Variants in STXBP5L observed in about 807,000 individuals in gnomAD.
STXBP5L encodes syntaxin binding protein 5L, also known as syntaxin-binding protein 5-like.
In STXBP5L, 65 loss-of-function variants were observed where a neutral mutation model predicts 144.5. The ratio of observed to expected loss-of-function variants is 0.45; its 90% CI spans 0.37 to 0.55. STXBP5L has a LOEUF of 0.55. Among genes scored for constraint, STXBP5L ranks in the 20% least tolerant of loss-of-function variants. STXBP5L has a pLI of 0.00. For synonymous variants in STXBP5L, 505 were observed against 469.6 expected (o/e 1.08, Z -0.97); for missense variants, 1,298 against 1,405.5 (o/e 0.92, Z 1.22).
intron 3 of STXBP5L, among the ~76,000 whole-genome samples, chr3:121,038,743 C>G (rs1258035942): frequency 6.6e-6 from 1 of 151,654 alleles, no homozygotes; most frequent in Admixed American, 6.6e-5. Flanking sequence ...GTGGTTCTAT[C>G]AATTTTGTAT....
Position 121,188,862 on chromosome 3 carries a change from G to A in STXBP5L, c.878-17061G>A, listed in dbSNP as rs61355261. Among the ~76,000 whole-genome samples, 380 of 152,204 alleles carry A rather than the reference G, an allele frequency of 2.5e-3. 2 individuals carry two copies. Among genetic ancestry groups the A allele is most frequent in the African/African-American group, 8.6e-3 (357 of 41,524 alleles). ...CCCACAGTCAATATCATACTGAATG[G>A]GCAAAAACTGGAAGCATTCCCTTTG... On this transcript the variant is annotated intron_variant, in intron 9 of 26. Transcript: ENST00000471454.
rs1339143629 is a variant in STXBP5L, at chr3:121,294,373, G to A, written c.2110+14417G>A. Among the ~76,000 whole-genome samples the A allele has an allele frequency of 3.9e-5, 6 of 152,208 alleles. No individual in the cohort carries two copies. In the South Asian group the frequency reaches 6.2e-4, roughly 16 times the overall value. On this transcript the variant is annotated intron_variant, in intron 19 of 26. Coordinates refer to ENST00000471454, the MANE Select transcript of STXBP5L (RefSeq NM_001308330.2). ...TATTGTCATGATATTTTTTACAAAG[G>A]TGAAGAAGCTTGAGATAGGAGGGGG...
At position 120,956,633 on chromosome 3, in the gene STXBP5L, C is replaced by A. The variant is rs138641421; in HGVS notation, c.287+1596C>A. Among the ~76,000 whole-genome samples the A allele has an allele frequency of 5.9e-3, 898 of 151,872 alleles. 12 individuals are homozygous for A. Among genetic ancestry groups the A allele is most frequent in the Non-Finnish European group, 8.9e-3 (606 of 67,822 alleles). On this transcript the variant is annotated intron_variant, in intron 3 of 26. Transcript: ENST00000471454. The stretch of plus-strand genomic sequence containing the variant: ...CTATTATGAATAATATTGCTATGAA[C>A]ATGGGTGTACAAATATCTCTTTGAA...
intron 3 of STXBP5L, among the ~76,000 whole-genome samples, chr3:121,008,222 C>G (rs1410823391): frequency 6.6e-6 from 1 of 151,922 alleles, no homozygotes; most frequent in Admixed American, 6.6e-5. Flanking sequence ...CTTTTAGTAG[C>G]AACAACTCTA....
intron 20 of STXBP5L, chr3:121,324,365 G>C (rs575046858): frequency 1.8e-6 from 1 of 541,904 alleles, no homozygotes; most frequent in Admixed American, 3.5e-5. Flanking sequence ...CTTTATTTTA[G>C]ATAAGGATAC....
intron 20 of STXBP5L, among the ~76,000 whole-genome samples, chr3:121,359,159 C>T (rs374799172): frequency 2.6e-5 from 4 of 152,130 alleles, no homozygotes; most frequent in East Asian, 1.9e-4. Flanking sequence ...TTAACTTAAG[C>T]GAGATGATAT....
intron 6 of STXBP5L, 119 bp from the exon 7 acceptor site, chr3:121,121,522 C>A: frequency 1.5e-6 from 1 of 651,554 alleles, no homozygotes; most frequent in East Asian, 2.8e-5. Flanking sequence ...TGAATCTGAG[C>A]TTAACCCTAG....
intron 3 of STXBP5L, among the ~76,000 whole-genome samples, chr3:121,032,622 G>A (rs1366295381): frequency 1.5e-5 from 2 of 134,290 alleles, no homozygotes; most frequent in Non-Finnish European, 1.6e-5. Flanking sequence ...ACTACCATCA[G>A]AGTGAACAGG....
At chr3:121,042,093 A>C (rs1008873879) in intron 4 of STXBP5L, among the ~76,000 whole-genome samples, 2 of 151,970 alleles carry the variant, frequency 1.3e-5, no homozygotes, top group Admixed American at 6.6e-5. Flanking sequence ...TTTTCTATAC[A>C]CTCACTTCCC....
At chr3:121,397,047 G>A (rs1020927073) in intron 22 of STXBP5L, among the ~76,000 whole-genome samples, 1 of 152,204 alleles carries the variant, frequency 6.6e-6, no homozygotes, top group Admixed American at 6.5e-5. Flanking sequence ...CTGAAGTATA[G>A]GGTGTCTGGA....
chr3:120,993,924 C>G (rs9861993), intron 3 of STXBP5L, among the ~76,000 whole-genome samples: 1 of 151,940 alleles, frequency 6.6e-6, no homozygotes, highest in African/African-American at 2.4e-5. Context: ...TCTTCCAATT[C>G]ATGAGCATGG....
At chr3:121,412,746 A>AC (rs1377023245) in intron 23 of STXBP5L, among the ~76,000 whole-genome samples, 15 of 148,174 alleles carry the variant, frequency 1.0e-4, no homozygotes, top group African/African-American at 3.8e-4. Context: ...AAAAAAAAAA[A>AC]AAACAAAAGA....
rs189351718 is a variant in STXBP5L, at chr3:121,356,068, G to A, written c.2177-22648G>A. Among the ~76,000 whole-genome samples, 66 of 152,288 alleles carry A rather than the reference G, an allele frequency of 4.3e-4. No individual in the cohort carries two copies. The East Asian group carries it at 7.9e-3, about 18-fold the overall frequency. On this transcript the variant is annotated intron_variant, in intron 20 of 26. Transcript: ENST00000471454. ...GCCTAATCCTTCCTCTGGAAGCTTC[G>A]CCCCACAGGGGCACCCACTTATCTG...
intron 6 of STXBP5L, among the ~76,000 whole-genome samples, chr3:121,121,428 T>G (rs2044457870): frequency 6.6e-6 from 1 of 151,284 alleles, no homozygotes; most frequent in Admixed American, 6.6e-5. Context: ...TTAACCCGAT[T>G]TTTAAAGAAA....
intron 5 of STXBP5L, among the ~76,000 whole-genome samples, chr3:121,113,860 G>C (rs1408171810): frequency 1.1e-4 from 16 of 151,664 alleles, no homozygotes; most frequent in Non-Finnish European, 2.2e-4. Context: ...TTTTAGTAGA[G>C]TCGGGGTTTC....
intron 9 of STXBP5L, among the ~76,000 whole-genome samples, chr3:121,202,668 A>G (rs1375291022): frequency 2.6e-5 from 4 of 152,196 alleles, no homozygotes; most frequent in East Asian, 3.9e-4. Context: ...GTTTTGCTCA[A>G]CATAAGACTC....
intron 20 of STXBP5L, among the ~76,000 whole-genome samples, chr3:121,337,422 C>T (rs2044545938): frequency 8.1e-6 from 1 of 123,144 alleles, no homozygotes; most frequent in Non-Finnish European, 1.6e-5. Context: ...AGAACAGACA[C>T]TTTAAAGCAA....
chr3:120,968,617 T>C (rs1263634396), intron 3 of STXBP5L, among the ~76,000 whole-genome samples: 2 of 152,142 alleles, frequency 1.3e-5, no homozygotes, highest in Non-Finnish European at 1.5e-5. Context: ...TTGTTTCTGG[T>C]TACATAGATA....
intron 3 of STXBP5L, among the ~76,000 whole-genome samples, chr3:120,984,359 A>G (rs966583830): frequency 3.3e-5 from 5 of 152,188 alleles, no homozygotes; most frequent in Non-Finnish European, 7.3e-5. Flanking sequence ...AACTCAGGAT[A>G]GTATTCTCAT....
Sources: allele counts gnomAD v4.1 joint callset (sites outside exome capture counted in the v4.1 genomes callset), GRCh38; gene constraint gnomAD v4.1.1; transcripts MANE v1.5; gene names NCBI Gene and HGNC (gene_info 2026-07-23, HGNC 2026-07-21).